RERE: variants seen among roughly 807,000 people sequenced by gnomAD.
RERE encodes the protein arginine-glutamic acid dipeptide repeats protein.
A neutral mutation model predicts 146.1 loss-of-function variants in RERE; 40 were observed. The ratio of observed to expected loss-of-function variants is 0.27; its 90% CI spans 0.21 to 0.36. RERE has a LOEUF of 0.36. RERE is among the 10% of genes least tolerant of loss of function. The pLI, the probability that RERE is intolerant of heterozygous loss-of-function variation, is 1.00. For synonymous variants in RERE, 1,003 were observed against 866.0 expected (o/e 1.16, Z -2.78); for missense variants, 1,933 against 2,138.7 (o/e 0.90, Z 1.90).
intron 1 of RERE, among the ~76,000 whole-genome samples, chr1:8,702,848 G>C (rs1639482394): frequency 6.6e-6 from 1 of 152,278 alleles, no homozygotes; most frequent in Non-Finnish European, 1.5e-5. Flanking sequence ...AAACTAGTGA[G>C]CCCAACAGAA....
intron 12 of RERE, among the ~76,000 whole-genome samples, chr1:8,376,931 GA>G (rs1642277848): frequency 6.6e-6 from 1 of 152,130 alleles, no homozygotes; most frequent in Non-Finnish European, 1.5e-5. Flanking sequence ...ACTGCAAGCA[GA>G]TCTATTAAAA....
chr1:8,615,998 C>A (rs1158831682), intron 3 of RERE, among the ~76,000 whole-genome samples: 1 of 152,192 alleles, frequency 6.6e-6, no homozygotes, highest in Non-Finnish European at 1.5e-5. Context: ...ACAACCTTCT[C>A]ACCACACACC....
intron 1 of RERE, among the ~76,000 whole-genome samples, chr1:8,815,754 T>C (rs1007048721): frequency 6.6e-6 from 1 of 152,144 alleles, no homozygotes; most frequent in Non-Finnish European, 1.5e-5. Context: ...TGTTTGTCTG[T>C]GCAAACCTAG....
chr1:8,559,731 C>G (rs1018962481), intron 4 of RERE, among the ~76,000 whole-genome samples: 6 of 152,102 alleles, frequency 3.9e-5, no homozygotes, highest in Admixed American at 1.3e-4. Flanking sequence ...CATATCCAGA[C>G]CCCACAGTCC....
At chr1:8,665,225 A>G (rs1638543747) in intron 1 of RERE, among the ~76,000 whole-genome samples, 1 of 152,194 alleles carries the variant, frequency 6.6e-6, no homozygotes, top group East Asian at 1.9e-4. Context: ...TTTCTTGTTC[A>G]AAACAGGTTA....
chr1:8,727,040 A>G (rs1040007358), intron 1 of RERE, among the ~76,000 whole-genome samples: 7 of 151,960 alleles, frequency 4.6e-5, no homozygotes, highest in South Asian at 2.1e-4. Flanking sequence ...TCCTGACCTC[A>G]GGTGATCCAC....
At chr1:8,458,196 G>A (rs1274283550) in intron 11 of RERE, among the ~76,000 whole-genome samples, 1 of 152,060 alleles carries the variant, frequency 6.6e-6, no homozygotes, top group Non-Finnish European at 1.5e-5. Flanking sequence ...CACTGTCTAT[G>A]GGAGAACAAA....
At position 8,364,775 on chromosome 1, in the gene RERE, C is replaced by A; in HGVS notation, c.1511G>T (p.Gly504Val). 1 of 1,613,982 alleles carries A rather than the reference C, an allele frequency of 6.2e-7. No individual in the cohort carries two copies. The highest frequency in any genetic ancestry group is 8.5e-7 in the Non-Finnish European group (1 of 1,179,986). The change falls in exon 14 of 23, where the codon GGG becomes GTG. Residue 504 changes from glycine to valine, a missense_variant. This residue lies in a region of RERE where 260 missense variants were observed against 378.4 expected (regional missense o/e 0.69). Transcript: ENST00000400908. The surrounding 1 kb of genome is among the most constrained non-coding windows in gnomAD (Gnocchi z 5.1). ...GGTGAAGCAGTGGCGGCAGGCGTACCCCTTCAGCTCCTGCTCACTGTCCTC... is the reference window on the plus strand; with the variant it reads ...GGTGAAGCAGTGGCGGCAGGCGTACACCTTCAGCTCCTGCTCACTGTCCTC... ...DSEDSEQELKGYACRHCFTTT... is the reference protein window; with the variant it reads ...DSEDSEQELKVYACRHCFTTT...
chr1:8,369,800 A>ATT (rs944505139), intron 12 of RERE, among the ~76,000 whole-genome samples: 2 of 151,862 alleles, frequency 1.3e-5, no homozygotes, highest in Non-Finnish European at 2.9e-5. Context: ...ATATATATAT[A>ATT]TTTTTTTGAG....
intron 1 of RERE, among the ~76,000 whole-genome samples, chr1:8,745,892 A>C (rs1011883727): frequency 1.3e-5 from 2 of 152,220 alleles, no homozygotes; most frequent in Non-Finnish European, 2.9e-5. Context: ...CAACACAGGC[A>C]GATCTTATCT....
chr1:8,700,003 C>T (rs987317516), intron 1 of RERE, among the ~76,000 whole-genome samples: 1 of 152,104 alleles, frequency 6.6e-6, no homozygotes, highest in African/African-American at 2.4e-5. Context: ...ACTTTTGCTC[C>T]TTTTTAAAAA....
chr1:8,670,311 A>G (rs1638683756), intron 1 of RERE, among the ~76,000 whole-genome samples: 1 of 152,250 alleles, frequency 6.6e-6, no homozygotes, highest in African/African-American at 2.4e-5. Flanking sequence ...AACACTGATC[A>G]TCAAATAAAC....
intron 10 of RERE, among the ~76,000 whole-genome samples, chr1:8,470,066 A>C (rs1367045039): frequency 6.6e-6 from 1 of 152,044 alleles, no homozygotes; most frequent in East Asian, 1.9e-4. Context: ...TCTCTATATA[A>C]TGGCGGATTC....
At chr1:8,418,837 A>G (rs1484722903) in intron 12 of RERE, among the ~76,000 whole-genome samples, 1 of 152,196 alleles carries the variant, frequency 6.6e-6, no homozygotes, top group Non-Finnish European at 1.5e-5. Context: ...TTACCTTAAC[A>G]TCAAAGCTCA....
At chr1:8,396,640 C>T (rs992454982) in intron 12 of RERE, among the ~76,000 whole-genome samples, 1 of 152,074 alleles carries the variant, frequency 6.6e-6, no homozygotes. Flanking sequence ...AAACCCAACT[C>T]GAATTAACTT....
At chr1:8,664,961 G>T (rs992072193) in intron 1 of RERE, among the ~76,000 whole-genome samples, 1 of 152,094 alleles carries the variant, frequency 6.6e-6, no homozygotes, top group African/African-American at 2.4e-5. Flanking sequence ...CTTCACTTTG[G>T]TACATTAAAA....
At chr1:8,813,614 C>CTTT (rs34918730) in intron 1 of RERE, among the ~76,000 whole-genome samples, 3 of 121,150 alleles carry the variant, frequency 2.5e-5, no homozygotes, top group Admixed American at 8.9e-5. Flanking sequence ...CTATTTTTTC[C>CTTT]TTTTTTTTTT....
chr1:8,653,943 T>C (rs1249617609), intron 2 of RERE, among the ~76,000 whole-genome samples: 1 of 151,960 alleles, frequency 6.6e-6, no homozygotes, highest in Non-Finnish European at 1.5e-5. Flanking sequence ...TCAATTTATA[T>C]CACACAAATA....
intron 10 of RERE, among the ~76,000 whole-genome samples, chr1:8,480,143 G>GTTTTTTTTTTTTTTTT (rs375571417): frequency 1.9e-5 from 2 of 105,426 alleles, no homozygotes; most frequent in Non-Finnish European, 3.8e-5. Flanking sequence ...TTTTTTTTTT[G>GTTTTTTTTTTTTTTTT]TTTTTTTTTT....
Sources: allele counts gnomAD v4.1 joint callset (sites outside exome capture counted in the v4.1 genomes callset), GRCh38; gene constraint gnomAD v4.1.1; regional missense constraint gnomAD v4.1.1; non-coding constraint Gnocchi (gnomAD v3.1); transcripts MANE v1.5; gene names NCBI Gene and HGNC (gene_info 2026-07-23, HGNC 2026-07-21).